The following SLIT2 variants were observed in gnomAD, a reference collection of about 807,000 sequenced individuals.
The protein encoded by SLIT2 is slit guidance ligand 2.
In SLIT2, 41 loss-of-function variants were observed where a neutral mutation model predicts 185.7. The observed-to-expected ratio is 0.22, with a 90% CI of 0.17 to 0.29. The LOEUF is 0.29. Among genes scored for constraint, SLIT2 ranks in the 10% least tolerant of loss-of-function variants. The probability of loss-of-function intolerance (pLI) is 1.00; values close to 1 mark genes in which losing one functional copy is unlikely to be tolerated. For synonymous variants in SLIT2, 693 were observed against 680.2 expected, an observed-to-expected ratio of 1.02 and a Z score of -0.29; for missense variants, 1,571 against 1,909.0, an observed-to-expected ratio of 0.82 and a Z score of 3.30.
At chr4:20,516,777 C>T (rs896815190) in intron 11 of SLIT2, among the ~76,000 whole-genome samples, 2 of 152,148 alleles carry the variant, frequency 1.3e-5, no homozygotes, top group African/African-American at 4.8e-5. Context: ...GGAGAAATGT[C>T]ATTCCCATTA....
intron 4 of SLIT2, among the ~76,000 whole-genome samples, chr4:20,339,607 T>A (rs1720795729): frequency 6.6e-6 from 1 of 152,152 alleles, no homozygotes; most frequent in Non-Finnish European, 1.5e-5. Flanking sequence ...AAGTTTGAAG[T>A]GTATGAAATG....
intron 5 of SLIT2, among the ~76,000 whole-genome samples, chr4:20,473,647 A>C (rs1715800350): frequency 6.6e-6 from 1 of 151,858 alleles, no homozygotes; most frequent in Non-Finnish European, 1.5e-5. Context: ...TAGAAGGAAA[A>C]CTCACAGTTC....
intron 33 of SLIT2, among the ~76,000 whole-genome samples, chr4:20,600,023 A>G (rs948965693): frequency 6.6e-6 from 1 of 152,214 alleles, no homozygotes; most frequent in African/African-American, 2.4e-5. Flanking sequence ...TGAATACAAT[A>G]CTTATTTTAT....
chr4:20,315,698 G>A (rs1265016421), intron 4 of SLIT2, among the ~76,000 whole-genome samples: 1 of 151,976 alleles, frequency 6.6e-6, no homozygotes, highest in Middle Eastern at 3.2e-3. Flanking sequence ...ATTTAGGGTA[G>A]CATTGGCATA....
At chr4:20,353,518 T>C (rs909616331) in intron 4 of SLIT2, among the ~76,000 whole-genome samples, 11 of 152,066 alleles carry the variant, frequency 7.2e-5, no homozygotes, top group Non-Finnish European at 1.6e-4. Context: ...TAATGAAGAA[T>C]ATTTATTTAA....
chr4:20,402,158 A>G (rs1726413423), intron 4 of SLIT2, among the ~76,000 whole-genome samples: 1 of 151,790 alleles, frequency 6.6e-6, no homozygotes, highest in African/African-American at 2.4e-5. Flanking sequence ...TATGGGCAGC[A>G]TGAATACGTA....
At chr4:20,324,433 A>G (rs950310569) in intron 4 of SLIT2, among the ~76,000 whole-genome samples, 10 of 152,130 alleles carry the variant, frequency 6.6e-5, no homozygotes, top group Admixed American at 4.6e-4. Context: ...GGAAGTGATT[A>G]TAGAGATATC....
chr4:20,416,988 G>A (rs890148971), intron 4 of SLIT2, among the ~76,000 whole-genome samples: 1 of 144,758 alleles, frequency 6.9e-6, no homozygotes, highest in African/African-American at 2.6e-5. Flanking sequence ...TCACTCAAGT[G>A]CGACACATTT....
At chr4:20,412,285 CTACTA>C (rs78527955) in intron 4 of SLIT2, among the ~76,000 whole-genome samples, 13,603 of 151,748 alleles carry the variant, frequency 0.09, 665 homozygotes, top group South Asian at 0.17. Flanking sequence ...ATTCTCACCT[CTACTA>C]TACAGTAGGT....
Position 20,252,656 on chromosome 4 carries a change from C to T in SLIT2, c.-1160C>T, listed in dbSNP as rs1269331790. On this transcript the variant is annotated 5_prime_UTR_variant, in exon 1 of 37. Transcript: ENST00000504154. ...TCTACCTTTGCCATCAGGTGTCTGC[C>T]GCGGAGCTGCGGCTTATCTGGGAGA... Among the ~76,000 whole-genome samples the T allele has an allele frequency of 6.6e-6, 1 of 152,230 alleles. No individual in the cohort carries two copies. Among genetic ancestry groups the T allele is most frequent in the Non-Finnish European group, 1.5e-5 (1 of 68,048 alleles).
At chr4:20,257,796 C>T in intron 2 of SLIT2, 72 bp from the exon 3 acceptor site, 1 of 785,048 alleles carries the variant, frequency 1.3e-6, no homozygotes, top group Non-Finnish European at 2.2e-6. Context: ...TACAAGTTTT[C>T]AGTTGCTGAA....
chr4:20,449,933 C>A (rs959173822), intron 4 of SLIT2, among the ~76,000 whole-genome samples: 4 of 148,218 alleles, frequency 2.7e-5, no homozygotes, highest in Non-Finnish European at 5.9e-5. Flanking sequence ...TAATCCACTG[C>A]AATGATTTCA....
chr4:20,510,512 C>A lies in SLIT2; in HGVS notation c.932C>A (p.Thr311Lys). ...TITEIRLEQN[T>K]IKVIPPGAFS... The stretch of plus-strand genomic sequence containing the variant: ...CATTGCAGACGTTTGGAACAGAACA[C>A]AATCAAAGTCATCCCTCCTGGAGCT... The change falls in exon 10 of 37, where the codon ACA (threonine) becomes AAA (lysine). Residue 311 changes from threonine to lysine, a missense_variant. By Grantham distance (78) the Thr-to-Lys change is moderately conservative. Transcript: ENST00000504154. The A allele has an allele frequency of 1.2e-6, 2 of 1,610,924 alleles. No individual in the cohort carries two copies. The highest frequency in any genetic ancestry group is 1.7e-6 in the Non-Finnish European group (2 of 1,177,628).
intron 4 of SLIT2, among the ~76,000 whole-genome samples, chr4:20,451,693 G>A (rs1362497842): frequency 6.6e-6 from 1 of 152,164 alleles, no homozygotes; most frequent in Non-Finnish European, 1.5e-5. Flanking sequence ...ATTTTATGCA[G>A]TACCTTTGTA....
chr4:20,611,205 A>AAT (rs1729192149), intron 34 of SLIT2, among the ~76,000 whole-genome samples: 1 of 152,236 alleles, frequency 6.6e-6, no homozygotes, highest in Non-Finnish European at 1.5e-5. Flanking sequence ...ATTTTCTGAA[A>AAT]AATAATAACC....
chr4:20,593,584 A>C (rs973083382), intron 30 of SLIT2, among the ~76,000 whole-genome samples: 1 of 152,118 alleles, frequency 6.6e-6, no homozygotes, highest in African/African-American at 2.4e-5. Flanking sequence ...TTCATACTGT[A>C]TTATATACTT....
At chr4:20,277,631 A>ATCTGTTTACCACTGTAGTTAC (rs1714296402) in intron 4 of SLIT2, among the ~76,000 whole-genome samples, 2 of 151,074 alleles carry the variant, frequency 1.3e-5, no homozygotes, top group East Asian at 3.9e-4. Context: ...AATCTGCCTC[A>ATCTGTTTACCACTGTAGTTAC]ATGTAGGTAT....
intron 4 of SLIT2, among the ~76,000 whole-genome samples, chr4:20,351,017 G>A (rs577816435): frequency 3.3e-5 from 5 of 150,974 alleles, no homozygotes; most frequent in African/African-American, 9.7e-5. Context: ...CATTATACAT[G>A]TTTTTGAGGT....
chr4:20,553,994 C>T, intron 26 of SLIT2, 26 bp downstream of exon 26: 1 of 1,536,636 alleles, frequency 6.5e-7, no homozygotes, highest in African/African-American at 1.4e-5. Context: ...ATTTGTATTT[C>T]TTTTAAGAAT....
Sources: allele counts gnomAD v4.1 joint callset (sites outside exome capture counted in the v4.1 genomes callset), GRCh38; gene constraint gnomAD v4.1.1; transcripts MANE v1.5; gene names NCBI Gene and HGNC (gene_info 2026-07-23, HGNC 2026-07-21).